CDC42BPB: variants seen among roughly 807,000 people sequenced by gnomAD.
CDC42BPB encodes serine/threonine-protein kinase MRCK beta.
Under a neutral mutation model 214.9 loss-of-function variants are expected in CDC42BPB, and 37 were observed. That is an observed-to-expected ratio of 0.17 (90% CI 0.13 to 0.23). The LOEUF (loss-of-function observed/expected upper bound fraction) is 0.23. Among genes scored for constraint, CDC42BPB ranks in the 10% least tolerant of loss-of-function variants. The pLI is 1.00. For missense variants in CDC42BPB, 1,694 were observed against 2,227.0 expected, an observed-to-expected ratio of 0.76 and a Z score of 4.82; for synonymous variants, 931 against 884.0, an observed-to-expected ratio of 1.05 and a Z score of -0.94.
At chr14:102,994,625 A>G (rs1595120204) in intron 5 of CDC42BPB, among the ~76,000 whole-genome samples, 1 of 152,230 alleles carries the variant, frequency 6.6e-6, no homozygotes, top group Non-Finnish European at 1.5e-5. Context: ...AGCGCTGAGA[A>G]GCAGCTCTAG....
intron 4 of CDC42BPB, among the ~76,000 whole-genome samples, chr14:103,000,183 GAAAGATAATTACTTATAGGTTCACTCC>G (rs1894914632): frequency 6.6e-6 from 1 of 152,222 alleles, no homozygotes; most frequent in African/African-American, 2.4e-5. Context: ...TAAAAGAGCC[GAAAGATAATTACTTATAGGTTCACTCC>G]AACAGAAACC....
intron 1 of CDC42BPB, among the ~76,000 whole-genome samples, chr14:103,051,553 G>C (rs1888609492): frequency 6.6e-6 from 1 of 152,060 alleles, no homozygotes; most frequent in African/African-American, 2.4e-5. Context: ...ACTAATGTCA[G>C]CGCAACCAGG....
chr14:102,982,767 A>C (rs1338071942), intron 7 of CDC42BPB, among the ~76,000 whole-genome samples: 1 of 151,926 alleles, frequency 6.6e-6, no homozygotes, highest in Non-Finnish European at 1.5e-5. Flanking sequence ...TCTCAAAAAA[A>C]AAGATAAAAA....
intron 1 of CDC42BPB, among the ~76,000 whole-genome samples, chr14:103,013,929 G>A (rs532752908): frequency 6.6e-6 from 1 of 152,298 alleles, no homozygotes; most frequent in African/African-American, 2.4e-5. Context: ...ACTTTGGGAG[G>A]CCGAGGCGGG....
At chr14:102,966,427 C>T in intron 17 of CDC42BPB, 40 bp from the exon 18 acceptor site, 1 of 1,607,094 alleles carries the variant, frequency 6.2e-7, no homozygotes, top group Middle Eastern at 1.7e-4. Context: ...CGAAGCATGG[C>T]TATCAGGGAG....
intron 36 of CDC42BPB, chr14:102,934,140 T>A: frequency 1.5e-6 from 1 of 650,376 alleles, no homozygotes; most frequent in Non-Finnish European, 2.1e-6. Context: ...CTCCTGCCTG[T>A]AATCCCAGCA....
At chr14:102,961,608 C>T (rs549111438) in intron 20 of CDC42BPB, among the ~76,000 whole-genome samples, 12 of 151,104 alleles carry the variant, frequency 7.9e-5, no homozygotes, top group African/African-American at 1.9e-4. Flanking sequence ...CTCGGCTCAC[C>T]GCAACCTCTG....
chr14:103,024,907 T>C (rs976005674), intron 1 of CDC42BPB, among the ~76,000 whole-genome samples: 3 of 152,206 alleles, frequency 2.0e-5, no homozygotes, highest in Non-Finnish European at 4.4e-5. Flanking sequence ...AATCCCTTGT[T>C]ATTTGTCTTT....
chr14:102,968,758 C>T (rs1466763012), intron 14 of CDC42BPB, 42 bp from the exon 15 acceptor site: 3 of 1,605,652 alleles, frequency 1.9e-6, no homozygotes, highest in Admixed American at 3.4e-5. Flanking sequence ...CCTCTGTGTC[C>T]TCAAGGGTCA....
intron 19 of CDC42BPB, among the ~76,000 whole-genome samples, 154 bp downstream of exon 19, chr14:102,964,348 G>C (rs961843746): frequency 6.6e-6 from 1 of 152,278 alleles, no homozygotes; most frequent in African/African-American, 2.4e-5. Flanking sequence ...CGGGGCTCCT[G>C]CAGGTGAACC....
intron 25 of CDC42BPB, 167 bp from the exon 26 acceptor site, chr14:102,950,071 A>G: frequency 1.0e-6 from 1 of 985,474 alleles, no homozygotes; most frequent in East Asian, 1.1e-4. Context: ...GGAGGGGTCC[A>G]TGCGTGGCAG....
intron 27 of CDC42BPB, 62 bp downstream of exon 27, chr14:102,947,659 A>G: frequency 7.1e-7 from 1 of 1,402,148 alleles, no homozygotes; most frequent in Non-Finnish European, 1.0e-6. Flanking sequence ...GCACAATGAC[A>G]TGCCTAGAAC....
intron 1 of CDC42BPB, among the ~76,000 whole-genome samples, chr14:103,022,623 G>T (rs796976919): frequency 6.6e-6 from 1 of 152,118 alleles, no homozygotes; most frequent in Non-Finnish European, 1.5e-5. Context: ...CATTCCCCAC[G>T]GGTGCTCACA....
intron 1 of CDC42BPB, among the ~76,000 whole-genome samples, chr14:103,014,905 C>G (rs1886369559): frequency 3.3e-5 from 5 of 152,128 alleles, no homozygotes; most frequent in Admixed American, 3.3e-4. Flanking sequence ...AGATGAGACG[C>G]AGGAAGCAGT....
At chr14:102,992,606 C>T (rs1894544071) in intron 5 of CDC42BPB, among the ~76,000 whole-genome samples, 1 of 152,128 alleles carries the variant, frequency 6.6e-6, no homozygotes, top group Admixed American at 6.5e-5. Flanking sequence ...TAAGAATCCA[C>T]TCACCGCCTC....
intron 14 of CDC42BPB, 91 bp from the exon 15 acceptor site, chr14:102,968,807 G>A (rs35409706): frequency 6.4e-7 from 1 of 1,555,974 alleles, no homozygotes; most frequent in East Asian, 2.2e-5. Flanking sequence ...AGCAAGTGCA[G>A]ACACCTTCCC....
chr14:103,010,636 C>T (rs964353348), intron 2 of CDC42BPB, among the ~76,000 whole-genome samples: 10 of 152,218 alleles, frequency 6.6e-5, no homozygotes, highest in African/African-American at 2.4e-4. Flanking sequence ...CAGGGCGTTT[C>T]CTTGTTTGAT....
chr14:102,947,143 G>T (rs912317114), intron 27 of CDC42BPB, among the ~76,000 whole-genome samples: 2 of 152,178 alleles, frequency 1.3e-5, no homozygotes, highest in Admixed American at 6.5e-5. Flanking sequence ...GTATGACAGG[G>T]TTGTTTCTGA....
intron 5 of CDC42BPB, among the ~76,000 whole-genome samples, chr14:102,997,622 C>A (rs78819170): frequency 6.6e-6 from 1 of 152,098 alleles, no homozygotes; most frequent in Non-Finnish European, 1.5e-5. Flanking sequence ...GATGCATGTC[C>A]GGTACGGAGC....
Sources: gnomAD v4.1 joint callset for allele counts (sites outside exome capture counted in the v4.1 genomes callset) on GRCh38, gnomAD v4.1.1 for gene constraint, MANE v1.5 for transcripts, NCBI Gene and HGNC (gene_info 2026-07-23, HGNC 2026-07-21) for gene names.